Variants in FANCA observed in about 807,000 individuals in gnomAD.
FANCA encodes the protein Fanconi anemia group A protein.
FANCA carries 236 observed loss-of-function variants against 194.3 expected under a neutral mutation model. The ratio of observed to expected loss-of-function variants is 1.21; its 90% CI spans 1.09 to 1.35. The LOEUF is 1.35. Ranked by LOEUF, FANCA falls within the 40% of genes most tolerant of loss-of-function variation. The probability of loss-of-function intolerance (pLI) is 0.00; values close to 1 mark genes in which losing one functional copy is unlikely to be tolerated. For synonymous variants in FANCA, 1,014 were observed against 715.8 expected (o/e 1.42, Z -6.65); for missense variants, 2,628 against 1,813.9 (o/e 1.45, Z -8.15).
chr16:89,771,810 T>C lies in FANCA; in HGVS notation c.2019A>G (p.Ile673Met), dbSNP rs753901405. 1.2e-6 allele frequency: 2 copies of C among 1,613,726 alleles called. No homozygotes were observed. Among genetic ancestry groups the C allele is most frequent in the African/African-American group, 1.3e-5 (1 of 74,906 alleles). Residue 673 changes from isoleucine (I) to methionine (M), a missense_variant, in exon 23 of 43, where the codon ATA becomes ATG. Physicochemically the swap from Ile to Met is conservative, Grantham distance 10. Coordinates refer to ENST00000389301, the MANE Select transcript of FANCA (RefSeq NM_000135.4). ...SMTDPSQRDV[I>M]SAQVAVISER... ...CAGAAATCACTGCCACCTGTGCCGA[T>C]ATAACTGCGAAGGAAGAAACTAGTT...
rs781605892 is a variant in FANCA, at chr16:89,778,860, G to T, written c.1777-10C>A. On this transcript the variant is annotated splice_polypyrimidine_tract_variant and intron_variant, in intron 19 of 42. Transcript: ENST00000389301. ...CAGGGACTTTGGGGAGCTGTGGGAA[G>T]AGAAGAGACCTGTGAGAGACTGACA... is the stretch of plus-strand genomic sequence containing the variant. 3.1e-6 allele frequency: 5 copies of T among 1,614,030 alleles called. 1 individual carries two copies. The South Asian group carries it at 5.5e-5, about 18-fold the overall frequency.
chr16:89,750,984 C>G (rs371902878), intron 31 of FANCA, among the ~76,000 whole-genome samples: 3 of 152,260 alleles, frequency 2.0e-5, no homozygotes, highest in Admixed American at 1.3e-4. Flanking sequence ...CCTTGACTCT[C>G]GAGCTCAGCT....
rs750834243 is a variant in FANCA at position 89,738,066 on chromosome 16, C to G, written c.*535G>C. ...AGGCTGAGACTGAGCTGGACTTTGC[C>G]TGTGACCAGTGTGGCCGGCGGTTTG... On this transcript the variant is annotated 3_prime_UTR_variant, in exon 43 of 43. Coordinates refer to ENST00000389301, the MANE Select transcript of FANCA (RefSeq NM_000135.4). The G allele has an allele frequency of 2.4e-5, 38 of 1,614,030 alleles. No homozygotes were observed. In the African/African-American group the frequency reaches 2.8e-4, roughly 12 times the overall value.
intron 22 of FANCA, among the ~76,000 whole-genome samples, chr16:89,772,496 A>G (rs921247999): frequency 6.6e-6 from 1 of 151,798 alleles, no homozygotes; most frequent in Non-Finnish European, 1.5e-5. Context: ...ACAGAGCAAG[A>G]CTCCGTCTCA....
rs2151709886 is a variant in FANCA, at chr16:89,738,682, G to A, written c.4287C>T (p.Asp1429=). 6.2e-7 allele frequency: 1 copy of A among 1,613,976 alleles called. No individual in the cohort carries two copies. Among genetic ancestry groups the A allele is most frequent in the Non-Finnish European group, 8.5e-7 (1 of 1,180,008 alleles). ...TCTGGAGGGCGGCGCTCACCTCTGGGTCGCAGTCCCCACGATCAGCCAGCA... is the reference window on the plus strand; with the variant it reads ...TCTGGAGGGCGGCGCTCACCTCTGGATCGCAGTCCCCACGATCAGCCAGCA... ...AELLADRGDC[D]PEVSAALQSR... The change falls in exon 43 of 43, where the codon GAC becomes GAT. Residue 1429 remains aspartate (D), a synonymous_variant. Coordinates refer to ENST00000389301, the MANE Select transcript of FANCA (RefSeq NM_000135.4).
intron 10 of FANCA, 78 bp downstream of exon 10, chr16:89,799,088 G>T (rs757877638): frequency 6.2e-7 from 1 of 1,614,238 alleles, no homozygotes; most frequent in Admixed American, 1.7e-5. Context: ...CTCTGGAAGT[G>T]TTTAAAATAT....
intron 30 of FANCA, among the ~76,000 whole-genome samples, chr16:89,758,247 T>A (rs916274518): frequency 1.3e-5 from 2 of 152,344 alleles, no homozygotes; most frequent in African/African-American, 4.8e-5. Context: ...AGATTTGCTA[T>A]GTGATAGGCT....
At chr16:89,746,711 A>T (rs569706738) in intron 34 of FANCA, 23 bp from the exon 35 acceptor site, 40 of 1,611,356 alleles carry the variant, frequency 2.5e-5, no homozygotes, top group Non-Finnish European at 3.1e-5. Context: ...ACGCAGCAGG[A>T]GGTCAGCGGT....
chr16:89,775,274 T>G (rs983553182), intron 21 of FANCA, among the ~76,000 whole-genome samples: 1 of 152,114 alleles, frequency 6.6e-6, no homozygotes, highest in Non-Finnish European at 1.5e-5. Flanking sequence ...AATGAGGGCG[T>G]AGGTCTGACC....
Position 89,737,749 on chromosome 16 carries a change from T to C in FANCA, c.*852A>G, listed in dbSNP as rs1419053872. ...TGATGGTTTCACATTGTCATCGTCG[T>C]CCCCCCGGGAGGTTGGAGCATCAGG... On this transcript the variant is annotated 3_prime_UTR_variant, in exon 43 of 43. Transcript: ENST00000389301. The C allele has an allele frequency of 1.2e-6, 2 of 1,606,622 alleles. No homozygotes were observed. The highest frequency in any genetic ancestry group is 1.7e-6 in the Non-Finnish European group (2 of 1,174,456).
chr16:89,748,840 CAG>C (rs2038481914), intron 32 of FANCA, 73 bp from the exon 33 acceptor site: 3 of 1,283,684 alleles, frequency 2.3e-6, no homozygotes, highest in Non-Finnish European at 3.3e-6. Context: ...CTCAGACTCT[CAG>C]AGCAGCAACC....
chr16:89,769,667 T>C, intron 26 of FANCA, 170 bp downstream of exon 26: 1 of 736,790 alleles, frequency 1.4e-6, no homozygotes. Context: ...CGCACGCATA[T>C]TATAAACAAA....
At chr16:89,797,384 C>G (rs1346946135) in intron 10 of FANCA, among the ~76,000 whole-genome samples, 1 of 152,100 alleles carries the variant, frequency 6.6e-6, no homozygotes, top group Non-Finnish European at 1.5e-5. Context: ...GTTCAGTGAA[C>G]TGCCCCAGGG....
Position 89,758,618 on chromosome 16 carries a change from C to A in FANCA, c.2940G>T (p.Ala980=). ...TCAGTGCGTTGACAAGAATGGTACA[C>A]GCAGCCTGCAGGTCTCCGTCACAGC... ...SGGCDGDLQA[A]CTILVNALMD... The change falls in exon 30 of 43, where the codon GCG becomes GCT. Residue 980 remains alanine (A), a synonymous_variant. Transcript: ENST00000389301. The A allele has an allele frequency of 6.2e-7, 1 of 1,614,030 alleles. No homozygotes were observed. Among genetic ancestry groups the A allele is most frequent in the Non-Finnish European group, 8.5e-7 (1 of 1,179,930 alleles).
chr16:89,759,349 A>AAAAAAG lies in FANCA; in HGVS notation c.2853-645_2853-644insCTTTTT, dbSNP rs1386463570. On this transcript the variant is annotated intron_variant, in intron 29 of 42. Transcript: ENST00000389301. ...AAAAAAAAAAAAAAAAAAAAAAAAA[A>AAAAAAG]GTAGCCTGGAAAGTCACCTGAGGGC... Among the ~76,000 whole-genome samples the AAAAAAG allele has an allele frequency of 2.6e-4, 36 of 139,530 alleles. 2 individuals are homozygous for AAAAAAG. The highest frequency in any genetic ancestry group is 4.8e-4 in the Non-Finnish European group (31 of 64,088). The allele number at this position is 139,530 out of a possible 152,430, so 91.5% of individuals were successfully genotyped here.
intron 8 of FANCA, among the ~76,000 whole-genome samples, chr16:89,802,368 G>A (rs2040486633): frequency 6.6e-6 from 1 of 151,628 alleles, no homozygotes; most frequent in Non-Finnish European, 1.5e-5. Flanking sequence ...CTCCCAAAGT[G>A]CTGGATTATA....
intron 14 of FANCA, among the ~76,000 whole-genome samples, chr16:89,788,654 G>T (rs571841756): frequency 6.6e-6 from 1 of 152,098 alleles, no homozygotes; most frequent in Admixed American, 6.5e-5. Flanking sequence ...TTTTTAATTA[G>T]CTGGGTGTGG....
At chr16:89,804,519 T>A (rs572928884) in intron 7 of FANCA, among the ~76,000 whole-genome samples, 1 of 151,772 alleles carries the variant, frequency 6.6e-6, no homozygotes, top group South Asian at 2.1e-4. Context: ...TCCAAGCCAT[T>A]CTCTGACAAG....
chr16:89,741,220 T>G (rs1168071371), intron 37 of FANCA, among the ~76,000 whole-genome samples: 1 of 152,212 alleles, frequency 6.6e-6, no homozygotes. Flanking sequence ...TCCTTGAAGA[T>G]AAGCCCACAG....
Sources: allele counts gnomAD v4.1 joint callset (sites outside exome capture counted in the v4.1 genomes callset), GRCh38; gene constraint gnomAD v4.1.1; transcripts MANE v1.5; gene names NCBI Gene and HGNC (gene_info 2026-07-23, HGNC 2026-07-21).